Variants in NR3C2 observed in about 807,000 individuals in gnomAD.
The protein encoded by NR3C2 is mineralocorticoid receptor.
Under a neutral mutation model 86.4 loss-of-function variants are expected in NR3C2, and 15 were observed. The ratio of observed to expected loss-of-function variants is 0.17; its 90% CI spans 0.12 to 0.27. The LOEUF is 0.27. Among genes scored for constraint, NR3C2 ranks in the 10% least tolerant of loss-of-function variants. NR3C2 has a pLI of 1.00. For missense variants in NR3C2, 960 were observed against 1,195.6 expected (o/e 0.80, Z 2.91); for synonymous variants, 458 against 450.5 (o/e 1.02, Z -0.21).
At chr4:148,404,097 T>G (rs2126542037) in intron 2 of NR3C2, among the ~76,000 whole-genome samples, 1 of 152,252 alleles carries the variant, frequency 6.6e-6, no homozygotes, top group Non-Finnish European at 1.5e-5. Context: ...AGTTTAAAAG[T>G]CTGCTCTTCT....
At chr4:148,183,294 G>A (rs1031614163) in intron 4 of NR3C2, among the ~76,000 whole-genome samples, 2 of 152,142 alleles carry the variant, frequency 1.3e-5, no homozygotes, top group Non-Finnish European at 2.9e-5. Flanking sequence ...GTGTGCATGC[G>A]CCTTTAAAGT....
At chr4:148,370,274 G>C (rs569021855) in intron 2 of NR3C2, among the ~76,000 whole-genome samples, 15 of 152,270 alleles carry the variant, frequency 9.9e-5, no homozygotes, top group African/African-American at 3.6e-4. Context: ...ATGAAGGCAA[G>C]TGTTCAGAAG....
At chr4:148,422,482 C>T (rs1405939042) in intron 2 of NR3C2, among the ~76,000 whole-genome samples, 5 of 151,950 alleles carry the variant, frequency 3.3e-5, no homozygotes, top group Non-Finnish European at 7.4e-5. Context: ...ATTTCTATAC[C>T]CTGAAACTTT....
chr4:148,288,224 A>G (rs1741627411), intron 2 of NR3C2, among the ~76,000 whole-genome samples: 1 of 152,196 alleles, frequency 6.6e-6, no homozygotes, highest in African/African-American at 2.4e-5. Context: ...CTTTCTTGTA[A>G]GATTGTGACA....
At chr4:148,146,741 T>C (rs1471648555) in intron 6 of NR3C2, 1 of 152,212 alleles carries the variant, frequency 6.6e-6, no homozygotes, top group Non-Finnish European at 1.5e-5. Context: ...CAACCCTCTC[T>C]CACTCTCGCC....
At chr4:148,189,033 T>A (rs1214236448) in intron 4 of NR3C2, among the ~76,000 whole-genome samples, 1 of 151,446 alleles carries the variant, frequency 6.6e-6, no homozygotes, top group Non-Finnish European at 1.5e-5. Context: ...GTTCATGCGA[T>A]TCTCCTGCCT....
chr4:148,199,175 G>C (rs1736592199), intron 3 of NR3C2, among the ~76,000 whole-genome samples: 1 of 151,992 alleles, frequency 6.6e-6, no homozygotes, highest in South Asian at 2.1e-4. Flanking sequence ...CGTCCTGTGG[G>C]AGCAGAATGT....
chr4:148,357,486 T>C (rs967449285), intron 2 of NR3C2, among the ~76,000 whole-genome samples: 4 of 152,152 alleles, frequency 2.6e-5, no homozygotes, highest in Non-Finnish European at 5.9e-5. Context: ...TCTTTTAATA[T>C]GGTAAATATA....
At position 148,428,965 on chromosome 4, in the gene NR3C2, T is replaced by G. The variant is rs375330789; in HGVS notation, c.1757+6139A>C. ...AATTTCAAATTCAACTCCCTTCTAGTTCCAACTAGCCTCTTCCAGGTTTTC... is the reference window on the plus strand; with the variant it reads ...AATTTCAAATTCAACTCCCTTCTAGGTCCAACTAGCCTCTTCCAGGTTTTC... On this transcript the variant is annotated intron_variant, in intron 2 of 8. Coordinates refer to ENST00000358102, the MANE Select transcript of NR3C2 (RefSeq NM_000901.5). Among the ~76,000 whole-genome samples, 16 of 152,184 alleles carry G rather than the reference T, an allele frequency of 1.1e-4. No homozygotes were observed. In the East Asian group the frequency reaches 1.4e-3, roughly 13 times the overall value.
intron 2 of NR3C2, chr4:148,368,406 AAAG>A (rs2126364412): frequency 6.6e-6 from 1 of 152,284 alleles, no homozygotes; most frequent in South Asian, 2.1e-4. Flanking sequence ...CTACCTCTTC[AAAG>A]AAGAAAATCG....
chr4:148,358,387 C>G (rs924444473), intron 2 of NR3C2, among the ~76,000 whole-genome samples: 1 of 148,352 alleles, frequency 6.7e-6, no homozygotes, highest in Non-Finnish European at 1.5e-5. Flanking sequence ...AACCAAACAC[C>G]GCATATTCTC....
At chr4:148,327,241 T>C (rs1159612597) in intron 2 of NR3C2, among the ~76,000 whole-genome samples, 1 of 152,160 alleles carries the variant, frequency 6.6e-6, no homozygotes, top group East Asian at 1.9e-4. Context: ...GCAGCACTGA[T>C]TTGTCTGGAA....
intron 6 of NR3C2, among the ~76,000 whole-genome samples, chr4:148,151,772 C>T (rs1362162197): frequency 2.0e-5 from 3 of 152,124 alleles, no homozygotes; most frequent in Non-Finnish European, 4.4e-5. Context: ...CAAATATTCC[C>T]TTTTAAGTAT....
intron 8 of NR3C2, among the ~76,000 whole-genome samples, chr4:148,095,428 C>A (rs1302481197): frequency 6.6e-6 from 1 of 152,194 alleles, no homozygotes; most frequent in Non-Finnish European, 1.5e-5. Flanking sequence ...TATGCTACCA[C>A]TCACTATGGG....
intron 4 of NR3C2, among the ~76,000 whole-genome samples, chr4:148,187,646 C>G (rs1735992453): frequency 6.6e-6 from 1 of 152,096 alleles, no homozygotes; most frequent in Non-Finnish European, 1.5e-5. Context: ...TGTGGGTCAT[C>G]TGTTTACTCT....
intron 2 of NR3C2, among the ~76,000 whole-genome samples, chr4:148,330,236 C>T (rs568357040): frequency 2.0e-5 from 3 of 152,270 alleles, no homozygotes; most frequent in South Asian, 4.1e-4. Context: ...CCACAATACA[C>T]GTCAGGTTGG....
chr4:148,333,459 A>G (rs1423053971), intron 2 of NR3C2, among the ~76,000 whole-genome samples: 1 of 152,140 alleles, frequency 6.6e-6, no homozygotes, highest in African/African-American at 2.4e-5. Flanking sequence ...CTTTGTAGCT[A>G]GATATAACCA....
At chr4:148,444,490 C>T, upstream of NR3C2, 1 of 985,902 alleles carries the variant, frequency 1.0e-6, no homozygotes, top group Non-Finnish European at 1.2e-6. Context: ...CCCCCTCTCG[C>T]CGCTGTCAGC....
intron 6 of NR3C2, among the ~76,000 whole-genome samples, chr4:148,140,701 GT>G (rs1733565770): frequency 6.6e-6 from 1 of 152,164 alleles, no homozygotes; most frequent in Non-Finnish European, 1.5e-5. Context: ...ATCTTAAACT[GT>G]TTTTGACTTT....
Sources: gnomAD v4.1 joint callset for allele counts (sites outside exome capture counted in the v4.1 genomes callset) on GRCh38, gnomAD v4.1.1 for gene constraint, MANE v1.5 for transcripts, NCBI Gene and HGNC (gene_info 2026-07-23, HGNC 2026-07-21) for gene names.